Variants in FAT1 observed in about 807,000 individuals in gnomAD.
The protein encoded by FAT1 is protocadherin Fat 1.
Under a neutral mutation model 329.8 loss-of-function variants are expected in FAT1, and 171 were observed. The ratio of observed to expected loss-of-function variants is 0.52; its 90% CI spans 0.46 to 0.59. The LOEUF (loss-of-function observed/expected upper bound fraction) is 0.59, where lower values mean the gene tolerates loss of function less well. Ranked by LOEUF, FAT1 falls within the 20% of genes least tolerant of loss-of-function variation. FAT1 has a pLI of 0.00. For synonymous variants in FAT1, 2,233 were observed against 2,228.6 expected, an observed-to-expected ratio of 1.00 and a Z score of -0.06; for missense variants, 5,672 against 5,774.4, an observed-to-expected ratio of 0.98 and a Z score of 0.57.
intron 2 of FAT1, among the ~76,000 whole-genome samples, chr4:186,693,860 G>T (rs1445928967): frequency 6.6e-6 from 1 of 152,208 alleles, no homozygotes; most frequent in Non-Finnish European, 1.5e-5. Context: ...AGTTTCTCAT[G>T]TATTTCATCT....
At chr4:186,624,238 T>C (rs1740186604) in intron 9 of FAT1, among the ~76,000 whole-genome samples, 1 of 144,438 alleles carries the variant, frequency 6.9e-6, no homozygotes. Context: ...AATTGTTCCC[T>C]GTATGGGAAC....
At chr4:186,725,400 G>A (rs1233613886), upstream of FAT1, among the ~76,000 whole-genome samples, 1 of 151,920 alleles carries the variant, frequency 6.6e-6, no homozygotes, top group Admixed American at 6.6e-5. The surrounding 1 kb of genome is among the most constrained non-coding windows in gnomAD (Gnocchi z 5.4). Context: ...GTAAAATCAC[G>A]GGATTTTTTT....
At chr4:186,650,011 T>C (rs1183570365) in intron 3 of FAT1, among the ~76,000 whole-genome samples, 1 of 152,242 alleles carries the variant, frequency 6.6e-6, no homozygotes, top group Non-Finnish European at 1.5e-5. Context: ...TTCTGTATTT[T>C]GTTAGTGTCT....
At position 186,708,891 on chromosome 4, in the gene FAT1, T is replaced by C. The variant is rs747190002; in HGVS notation, c.937A>G (p.Lys313Glu). The C allele has an allele frequency of 5.6e-6, 9 of 1,613,810 alleles. No individual in the cohort carries two copies. The highest frequency in any genetic ancestry group is 2.2e-5 in the East Asian group (1 of 44,884). Reference protein sequence around the residue: ...FRTVRSFPGSKEYKVKAIGGI... With the variant: ...FRTVRSFPGSEEYKVKAIGGI... ...CCGATGGCTTTGACTTTATACTCCT[T>C]ACTCCCTGGAAAGGACCTCACTGTT... is the stretch of plus-strand genomic sequence containing the variant. The change falls in exon 2 of 27, where the codon AAG (lysine) becomes GAG (glutamate). Residue 313 changes from lysine to glutamate, a missense_variant. Around this residue, in one of 2 missense-constraint regions of FAT1, gnomAD observed 3,966 missense variants for 3,915.2 expected, o/e 1.01. Coordinates refer to ENST00000441802, the MANE Select transcript of FAT1 (RefSeq NM_005245.4).
intron 22 of FAT1, 122 bp downstream of exon 22, chr4:186,599,776 A>G (rs1027018905): frequency 1.3e-6 from 1 of 755,200 alleles, no homozygotes; most frequent in East Asian, 2.7e-5. Context: ...TCCAACACTG[A>G]CTGCAGTGTC....
At chr4:186,637,878 T>C (rs1328801461) in intron 4 of FAT1, among the ~76,000 whole-genome samples, 1 of 152,352 alleles carries the variant, frequency 6.6e-6, no homozygotes, top group East Asian at 1.9e-4. Flanking sequence ...AGTATTTAAG[T>C]AGTTGCTTTA....
intron 4 of FAT1, among the ~76,000 whole-genome samples, chr4:186,637,292 A>G (rs1370225187): frequency 6.6e-6 from 1 of 152,244 alleles, no homozygotes; most frequent in Non-Finnish European, 1.5e-5. Flanking sequence ...TGCTTTACAC[A>G]TTTAAAGAGT....
rs2126619084 is a variant in FAT1, at chr4:186,663,630, A to G, written c.3266-17T>C. The G allele has an allele frequency of 6.3e-7, 1 of 1,576,668 alleles. No homozygotes were observed. The highest frequency in any genetic ancestry group is 1.8e-5 in the Admixed American group (1 of 55,488). The stretch of plus-strand genomic sequence containing the variant: ...CTATGACACCTACAGAGAAAAAAGA[A>G]AAGCGTAAAGCAGCACATCAACGAC... On this transcript the variant is annotated splice_polypyrimidine_tract_variant and intron_variant, in intron 2 of 26. Transcript: ENST00000441802.
chr4:186,595,630 A>G, intron 26 of FAT1, 59 bp downstream of exon 26: 1 of 1,596,854 alleles, frequency 6.3e-7, no homozygotes, highest in Non-Finnish European at 8.6e-7. Flanking sequence ...ACATTGTGAG[A>G]TAACACAGTA....
chr4:186,636,772 C>T lies in FAT1; in HGVS notation c.3785G>A (p.Arg1262Gln), dbSNP rs775228629. The part of the protein sequence containing the change: ...IRLPEREKPD[R>Q]ERNARREPLY... ...CGGCTCCCGTCTGGCATTTCTTTCT[C>T]GGTCTGGCTTTTCCCGCTCAGGGAG... Residue 1262 changes from arginine (R) to glutamine (Q), a missense_variant, in exon 5 of 27, where the codon CGA (arginine) becomes CAA (glutamine). Arg to Gln is a conservative substitution (Grantham distance 43, BLOSUM62 1). This residue lies in a region of FAT1 where 3,966 missense variants were observed against 3,915.2 expected (regional missense o/e 1.01). Transcript: ENST00000441802. 4.6e-5 allele frequency: 75 copies of T among 1,613,806 alleles called. No homozygotes were observed. The highest frequency in any genetic ancestry group is 1.2e-4 in the African/African-American group (9 of 74,924).
chr4:186,637,569 C>G (rs1254667307), intron 4 of FAT1, among the ~76,000 whole-genome samples: 1 of 152,132 alleles, frequency 6.6e-6, no homozygotes. Flanking sequence ...TTTAAGTAAA[C>G]TATCCATATA....
intron 14 of FAT1, among the ~76,000 whole-genome samples, chr4:186,610,712 T>A (rs1739402873): frequency 7.5e-6 from 1 of 133,148 alleles, no homozygotes. Flanking sequence ...AATATAAATT[T>A]ATATAATTTA....
chr4:186,603,209 G>A lies in FAT1; in HGVS notation c.11317C>T (p.Arg3773Cys), dbSNP rs774876308. Residue 3773 changes from arginine to cysteine, a missense_variant, in exon 19 of 27, where the codon CGC (arginine) becomes TGC (cysteine). Transcript: ENST00000441802. Reference protein sequence around the residue: ...STARLSFVTPRHHRAAVCLCK... With the variant: ...STARLSFVTPCHHRAAVCLCK... ...AGACACACCGCTGCCCTGTGGTGGC[G>A]GGGAGTCACAAAACTCAGTCTGGCT... 29 of 1,613,480 alleles carry A rather than the reference G, an allele frequency of 1.8e-5. No homozygotes were observed. The highest frequency in any genetic ancestry group is 3.3e-4 in the Middle Eastern group (2 of 6,084).
intron 2 of FAT1, among the ~76,000 whole-genome samples, chr4:186,670,507 C>T (rs1188127810): frequency 1.3e-5 from 2 of 152,006 alleles, no homozygotes; most frequent in South Asian, 2.1e-4. Context: ...AGAGACATAC[C>T]ATCAACACAC....
chr4:186,642,801 C>G (rs759555822), intron 3 of FAT1, among the ~76,000 whole-genome samples: 5 of 152,206 alleles, frequency 3.3e-5, no homozygotes, highest in African/African-American at 7.2e-5. Flanking sequence ...CTAAAGAGAA[C>G]AGTGGGCCTA....
chr4:186,603,541 T>C lies in FAT1; in HGVS notation c.10985A>G (p.Asn3662Ser), dbSNP rs1428098909. Reference protein sequence around the residue: ...PEEFVGDYWRNFQRALRNILG... With the variant: ...PEEFVGDYWRSFQRALRNILG... ...GATGTTCCGTAAAGCTCGCTGGAAG[T>C]TGCGCCAGTAGTCACCAACGAATTC... The change falls in exon 19 of 27, where the codon AAC becomes AGC. Residue 3662 changes from asparagine to serine, a missense_variant. Asn to Ser is a conservative substitution (Grantham distance 46). Around this residue, in one of 2 missense-constraint regions of FAT1, gnomAD observed 1,706 missense variants for 1,859.1 expected, o/e 0.92. Transcript: ENST00000441802. 3 of 1,614,012 alleles carry C rather than the reference T, an allele frequency of 1.9e-6. No homozygotes were observed. Among genetic ancestry groups the C allele is most frequent in the Middle Eastern group, 3.3e-4 (2 of 6,062 alleles).
Position 186,613,117 on chromosome 4 carries a change from G to A in FAT1, c.9455C>T (p.Ala3152Val), listed in dbSNP as rs1333871831. ...TLLTRVQATD[A>V]DAGLNRKILY... ...GCATTCCCGGGAGATACCTGCGTCGGCATCTGTGGCCTGCACTCTTGTCAG... is the reference window on the plus strand; with the variant it reads ...GCATTCCCGGGAGATACCTGCGTCGACATCTGTGGCCTGCACTCTTGTCAG... Residue 3152 changes from alanine (A) to valine (V), a missense_variant, in exon 13 of 27, where the codon GCC becomes GTC. Ala to Val is a moderately conservative substitution (Grantham distance 64, BLOSUM62 0). Coordinates refer to ENST00000441802, the MANE Select transcript of FAT1 (RefSeq NM_005245.4). 2 of 1,608,092 alleles carry A rather than the reference G, an allele frequency of 1.2e-6. No homozygotes were observed. The highest frequency in any genetic ancestry group is 1.7e-6 in the Non-Finnish European group (2 of 1,178,002).
intron 2 of FAT1, among the ~76,000 whole-genome samples, chr4:186,678,886 C>G (rs760053994): frequency 6.6e-6 from 1 of 152,086 alleles, no homozygotes; most frequent in Non-Finnish European, 1.5e-5. Flanking sequence ...TATAAAGACA[C>G]ATGCACATAT....
intron 2 of FAT1, among the ~76,000 whole-genome samples, chr4:186,684,529 C>A (rs186376065): frequency 2.6e-5 from 4 of 152,136 alleles, no homozygotes; most frequent in African/African-American, 9.7e-5. Context: ...AACTGACGCT[C>A]GGCCCGTTTT....
Sources: allele counts gnomAD v4.1 joint callset (sites outside exome capture counted in the v4.1 genomes callset), GRCh38; gene constraint gnomAD v4.1.1; regional missense constraint gnomAD v4.1.1; non-coding constraint Gnocchi (gnomAD v3.1); transcripts MANE v1.5; gene names NCBI Gene and HGNC (gene_info 2026-07-23, HGNC 2026-07-21).